The following AEBP2 variants were observed in gnomAD, a reference collection of about 807,000 sequenced individuals.
AEBP2 encodes the protein AE binding protein 2.
Under a neutral mutation model 50.8 loss-of-function variants are expected in AEBP2, and 10 were observed. That is an observed-to-expected ratio of 0.20 (90% CI 0.12 to 0.33). The LOEUF (loss-of-function observed/expected upper bound fraction) is 0.33, where lower values mean the gene tolerates loss of function less well. AEBP2 is among the 10% of genes least tolerant of loss of function. The pLI, the probability that AEBP2 is intolerant of heterozygous loss-of-function variation, is 1.00. For missense variants in AEBP2, 570 were observed against 688.0 expected (o/e 0.83, Z 1.92); for synonymous variants, 296 against 261.3 (o/e 1.13, Z -1.28).
chr12:19,416,508 C>T (rs903715174), intron 1 of AEBP2, among the ~76,000 whole-genome samples: 14 of 151,518 alleles, frequency 9.2e-5, no homozygotes, highest in African/African-American at 2.9e-4. Flanking sequence ...CAGGCTCAAG[C>T]GATTCTCCTG....
At chr12:19,439,270 C>T (rs1947894617), upstream of AEBP2, among the ~76,000 whole-genome samples, 1 of 152,150 alleles carries the variant, frequency 6.6e-6, no homozygotes, top group South Asian at 2.1e-4. Context: ...CGGAAGGCTG[C>T]TAAAATCCCC....
At position 19,487,166 on chromosome 12, in the gene AEBP2, A is replaced by G. The variant is rs73339329; in HGVS notation, c.988-6634A>G. Among the ~76,000 whole-genome samples, 605 of 152,238 alleles carry G rather than the reference A, an allele frequency of 4.0e-3. 6 individuals carry two copies. The highest frequency in any genetic ancestry group is 0.014 in the African/African-American group (575 of 41,548). On this transcript the variant is annotated intron_variant, in intron 3 of 7. Coordinates refer to ENST00000266508, the MANE Select transcript of AEBP2 (RefSeq NM_153207.5). ...AATAGAAATTCTTCAGAAATTTTGA[A>G]TATGTCTTGTGTTAGATATATGTAT...
At chr12:19,500,290 T>A (rs926169859) in intron 5 of AEBP2, 69 bp downstream of exon 5, 4 of 1,311,810 alleles carry the variant, frequency 3.0e-6, no homozygotes, top group African/African-American at 1.5e-5. Flanking sequence ...CAATCATTTC[T>A]AAATCTCTCA....
intron 4 of AEBP2, among the ~76,000 whole-genome samples, chr12:19,497,470 GTTTTTGT>G (rs1423869259): frequency 1.3e-5 from 2 of 150,032 alleles, no homozygotes; most frequent in Non-Finnish European, 3.0e-5. Flanking sequence ...GCTTTGTTCT[GTTTTTGT>G]TTTTTGTTTT....
chr12:19,478,129 C>T (rs1004514715), intron 3 of AEBP2, among the ~76,000 whole-genome samples: 1 of 152,068 alleles, frequency 6.6e-6, no homozygotes, highest in Non-Finnish European at 1.5e-5. Context: ...TTCAAAGAAC[C>T]AGCTTGTTCA....
chr12:19,495,547 C>CTTTTT (rs35060511), intron 4 of AEBP2, among the ~76,000 whole-genome samples: 1 of 141,046 alleles, frequency 7.1e-6, no homozygotes, highest in African/African-American at 2.6e-5. Flanking sequence ...TTCATTCTTG[C>CTTTTT]TTTTTTTTTT....
chr12:19,411,644 A>G (rs1483699595), intron 1 of AEBP2, among the ~76,000 whole-genome samples: 1 of 152,244 alleles, frequency 6.6e-6, no homozygotes, highest in African/African-American at 2.4e-5. Flanking sequence ...CATACTTGTT[A>G]TTATTACTAT....
chr12:19,505,616 G>C (rs919974765), intron 5 of AEBP2, among the ~76,000 whole-genome samples: 17 of 152,236 alleles, frequency 1.1e-4, no homozygotes, highest in Admixed American at 9.2e-4. Context: ...AGAGTAGGCA[G>C]CGTAGCTGGA....
intron 1 of AEBP2, among the ~76,000 whole-genome samples, chr12:19,444,064 A>C (rs1309293015): frequency 6.6e-6 from 1 of 152,128 alleles, no homozygotes; most frequent in Non-Finnish European, 1.5e-5. Flanking sequence ...GCTTTTCTTT[A>C]CTCTGAACTT....
chr12:19,458,937 A>G (rs1050361835), intron 1 of AEBP2, among the ~76,000 whole-genome samples: 3 of 152,126 alleles, frequency 2.0e-5, no homozygotes, highest in Admixed American at 1.3e-4. Flanking sequence ...TCCCTCCCCA[A>G]CTTAGGTATG....
intron 5 of AEBP2, 85 bp from the exon 6 acceptor site, chr12:19,512,313 C>T: frequency 2.1e-6 from 2 of 937,202 alleles, no homozygotes; most frequent in East Asian, 2.8e-5. Context: ...AGCCATCGCG[C>T]CCAGCCCCAA....
At chr12:19,436,597 T>TG (rs1555180437), upstream of AEBP2, among the ~76,000 whole-genome samples, 64 of 146,136 alleles carry the variant, frequency 4.4e-4, no homozygotes, top group African/African-American at 1.2e-3. Context: ...CTTTTTTTTT[T>TG]GGGGGGGGGA....
In AEBP2 at chr12:19,482,605, C is replaced by G. The variant is rs577515232; in HGVS notation, c.987+9250C>G. Among the ~76,000 whole-genome samples, 3 of 152,242 alleles carry G rather than the reference C, an allele frequency of 2.0e-5. No individual in the cohort carries two copies. In the South Asian group the frequency reaches 6.2e-4, roughly 32 times the overall value. On this transcript the variant is annotated intron_variant, in intron 3 of 7. Transcript: ENST00000266508. ...AGTAGTTAAGTAGGGAGATTGCTTG[C>G]CCTAAGTTGGCCTGGGCAAGTATTT...
rs550666204 is a variant in AEBP2 at position 19,504,413 on chromosome 12, A to AT, written c.1299+4200dup. Among the ~76,000 whole-genome samples, 26 of 149,150 alleles carry AT rather than the reference A, an allele frequency of 1.7e-4. No homozygotes were observed. The South Asian group carries it at 2.8e-3, about 16-fold the overall frequency. On this transcript the variant is annotated intron_variant, in intron 5 of 7. Transcript: ENST00000266508. ...CACCACGCCTGGCTAATTTTTTTGT[A>AT]TTTTTTTTAGTAGAGACGGGATTTC... is the stretch of plus-strand genomic sequence containing the variant.
chr12:19,467,285 A>T (rs1948493901), intron 2 of AEBP2, among the ~76,000 whole-genome samples: 1 of 152,034 alleles, frequency 6.6e-6, no homozygotes, highest in South Asian at 2.1e-4. Flanking sequence ...GCAAAGAGAG[A>T]ATCAAACCTA....
At chr12:19,478,070 G>A (rs900367861) in intron 3 of AEBP2, among the ~76,000 whole-genome samples, 4 of 152,194 alleles carry the variant, frequency 2.6e-5, no homozygotes, top group Non-Finnish European at 4.4e-5. Flanking sequence ...TTTAGATATC[G>A]TTCTTCTTTT....
chr12:19,501,793 G>GTTTTTTTTTTTTTTTTTTTTTTTTTTTTT (rs1204632203), intron 5 of AEBP2, among the ~76,000 whole-genome samples: 4 of 35,178 alleles, frequency 1.1e-4, no homozygotes, highest in African/African-American at 2.8e-4. Flanking sequence ...ATAAAAATGA[G>GTTTTTTTTTTTTTTTTTTTTTTTTTTTTT]TTTGTTTTTT....
intron 6 of AEBP2, 40 bp downstream of exon 6, chr12:19,512,505 GTTTTAT>G: frequency 7.9e-7 from 1 of 1,264,784 alleles, no homozygotes; most frequent in Non-Finnish European, 1.1e-6. Context: ...ATAAGTTCAT[GTTTTAT>G]TTTTGTTAAA....
upstream of AEBP2, among the ~76,000 whole-genome samples, chr12:19,437,465 C>T (rs1947872270): frequency 6.6e-6 from 1 of 152,082 alleles, no homozygotes. Context: ...CCTCAACCTC[C>T]AGGGCTCAAG....
Sources: allele counts gnomAD v4.1 joint callset (sites outside exome capture counted in the v4.1 genomes callset), GRCh38; gene constraint gnomAD v4.1.1; transcripts MANE v1.5; gene names NCBI Gene and HGNC (gene_info 2026-07-23, HGNC 2026-07-21).